Variants in CFAP221 observed in about 807,000 individuals in gnomAD.
CFAP221 encodes the protein cilia and flagella associated protein 221.
Under a neutral mutation model 113.1 loss-of-function variants are expected in CFAP221, and 97 were observed. The ratio of observed to expected loss-of-function variants is 0.86; its 90% CI spans 0.73 to 1.02. The LOEUF is 1.02. CFAP221 is among the 50% of genes least tolerant of loss of function. CFAP221 has a pLI of 0.00. For missense variants in CFAP221, 1,025 were observed against 1,013.4 expected, an observed-to-expected ratio of 1.01 and a Z score of -0.16; for synonymous variants, 331 against 354.4, an observed-to-expected ratio of 0.93 and a Z score of 0.74.
intron 5 of CFAP221, among the ~76,000 whole-genome samples, chr2:119,561,052 G>T (rs558476176): frequency 1.3e-5 from 2 of 152,238 alleles, no homozygotes; most frequent in African/African-American, 2.4e-5. Flanking sequence ...ACTTTGGGAG[G>T]CCGAGGTGGG....
intron 14 of CFAP221, among the ~76,000 whole-genome samples, chr2:119,620,050 G>C: frequency 6.6e-6 from 1 of 152,100 alleles, no homozygotes. Flanking sequence ...AAAAAAGAAT[G>C]AAAAGGAATG....
rs1016991608 is a variant in CFAP221, at chr2:119,602,592, T to C, written c.791+1215T>C. 1.2e-5 allele frequency: 12 copies of C among 982,476 alleles called. No individual in the cohort carries two copies. The African/African-American group carries it at 1.9e-4, about 16-fold the overall frequency. 60.9% of individuals were successfully genotyped at this position (982,476 alleles called of 1,614,324 possible). On this transcript the variant is annotated intron_variant, in intron 8 of 23. Transcript: ENST00000413369. ...CATGATATCTTAGATATTTATATCA[T>C]GATTTTTCTTCCTAAAAATTCAAAG...
chr2:119,638,332 G>A lies in CFAP221; in HGVS notation c.2048G>A (p.Cys683Tyr). 1 of 1,613,888 alleles carries A rather than the reference G, an allele frequency of 6.2e-7. No homozygotes were observed. Among genetic ancestry groups the A allele is most frequent in the Admixed American group, 1.7e-5 (1 of 60,020 alleles). ...YAETLIDYHL[C>Y]SHPKYKFTKE... ...GAAACGTTGATAGATTACCATCTAT[G>A]CTCTCACCCCAAGTACAAATTCACC... The change falls in exon 20 of 24, where the codon TGC becomes TAC. Residue 683 changes from cysteine to tyrosine, a missense_variant. Physicochemically the swap from Cys to Tyr is radical, Grantham distance 194 (BLOSUM62 -2). Coordinates refer to ENST00000413369, the MANE Select transcript of CFAP221 (RefSeq NM_001271049.2).
intron 6 of CFAP221, among the ~76,000 whole-genome samples, chr2:119,562,344 G>A (rs1484211527): frequency 6.6e-6 from 1 of 151,782 alleles, no homozygotes; most frequent in Non-Finnish European, 1.5e-5. Context: ...ACTGAAAGGT[G>A]CAGTCCGGGT....
intron 8 of CFAP221, 26 bp from the exon 9 acceptor site, chr2:119,604,646 A>G (rs1684599019): frequency 8.6e-6 from 13 of 1,514,308 alleles, no homozygotes; most frequent in Non-Finnish European, 9.7e-6. Flanking sequence ...CTTATTTACT[A>G]ATTTAACACT....
chr2:119,640,667 C>A (rs1021809634), intron 21 of CFAP221, among the ~76,000 whole-genome samples: 10 of 152,160 alleles, frequency 6.6e-5, no homozygotes, highest in African/African-American at 1.9e-4. Flanking sequence ...TCCTCTGATC[C>A]AGAATGAGGC....
At chr2:119,636,000 C>A (rs1320179951) in intron 19 of CFAP221, among the ~76,000 whole-genome samples, 4 of 152,106 alleles carry the variant, frequency 2.6e-5, no homozygotes, top group African/African-American at 9.7e-5. Context: ...AAATAGGAAA[C>A]CAAACTAAAA....
At chr2:119,612,372 G>A (rs11123530) in intron 13 of CFAP221, among the ~76,000 whole-genome samples, 145,348 of 152,356 alleles carry the variant, frequency 0.95, 69,369 homozygotes, top group East Asian at 0.99. Flanking sequence ...TACAATCATG[G>A]CAGAAGAAGA....
intron 21 of CFAP221, among the ~76,000 whole-genome samples, chr2:119,645,088 T>G (rs1687720924): frequency 1.3e-5 from 2 of 150,460 alleles, no homozygotes. Flanking sequence ...TTCTCTTTCT[T>G]TTCTCATTCC....
chr2:119,634,093 G>A (rs971370993), intron 19 of CFAP221, among the ~76,000 whole-genome samples: 2 of 152,134 alleles, frequency 1.3e-5, no homozygotes, highest in African/African-American at 4.8e-5. Context: ...GGGCAACAGA[G>A]TGAGACCCTG....
Position 119,559,739 on chromosome 2 carries a change from G to T in CFAP221, c.291G>T (p.Pro97=). 6.5e-7 allele frequency: 1 copy of T among 1,531,888 alleles called. No individual in the cohort carries two copies. Among genetic ancestry groups the T allele is most frequent in the South Asian group, 1.2e-5 (1 of 83,944 alleles). The allele number at this position is 1,531,888 out of a possible 1,614,324, so 94.9% of individuals were successfully genotyped here. ...ACACACGTGTTCATATTTTACCCCC[G>T]CAAACCAAATACTTTGAGATCAATT... The part of the protein sequence containing the change: ...NEDTRVHILP[P]QTKYFEINYV... Residue 97 remains proline (P), a synonymous_variant, in exon 4 of 24, where the codon CCG becomes CCT. Coordinates refer to ENST00000413369, the MANE Select transcript of CFAP221 (RefSeq NM_001271049.2).
intron 21 of CFAP221, among the ~76,000 whole-genome samples, chr2:119,645,408 TGGTAAGCAGA>T (rs1421059174): frequency 1.3e-5 from 2 of 151,628 alleles, no homozygotes; most frequent in African/African-American, 4.9e-5. Flanking sequence ...CTCTTTATAA[TGGTAAGCAGA>T]ATATATACAT....
intron 19 of CFAP221, 124 bp from the exon 20 acceptor site, chr2:119,638,135 C>A: frequency 1.1e-6 from 1 of 933,158 alleles, no homozygotes; most frequent in Non-Finnish European, 1.6e-6. Context: ...TCCAGACAAG[C>A]TGACATGGAG....
intron 19 of CFAP221, among the ~76,000 whole-genome samples, chr2:119,633,691 AAAG>A (rs1253283310): frequency 6.7e-6 from 1 of 148,642 alleles, no homozygotes; most frequent in Non-Finnish European, 1.5e-5. Context: ...ACATTTCTCC[AAAG>A]AAGACTTATA....
At chr2:119,590,075 T>C (rs1683493417) in intron 7 of CFAP221, 1 of 152,214 alleles carries the variant, frequency 6.6e-6, no homozygotes, top group African/African-American at 2.4e-5. Flanking sequence ...GACATTCCCT[T>C]GTTGTCACAA....
At chr2:119,645,307 TA>T (rs1445473438) in intron 21 of CFAP221, among the ~76,000 whole-genome samples, 3 of 152,110 alleles carry the variant, frequency 2.0e-5, no homozygotes, top group South Asian at 4.2e-4. Flanking sequence ...AAAACTACAT[TA>T]AAGGCATATT....
At chr2:119,581,562 A>G (rs1301367288) in intron 6 of CFAP221, among the ~76,000 whole-genome samples, 2 of 152,200 alleles carry the variant, frequency 1.3e-5, no homozygotes, top group Non-Finnish European at 2.9e-5. Context: ...CATGAAGGGA[A>G]ATTAGGGGGT....
chr2:119,644,944 A>G (rs897372833), intron 21 of CFAP221, among the ~76,000 whole-genome samples: 3 of 152,132 alleles, frequency 2.0e-5, no homozygotes. Flanking sequence ...TGCTTGATCC[A>G]TAACCACCTT....
chr2:119,622,016 C>A (rs1685956006), intron 14 of CFAP221, among the ~76,000 whole-genome samples: 1 of 152,026 alleles, frequency 6.6e-6, no homozygotes, highest in South Asian at 2.1e-4. Flanking sequence ...TAACTAAGAT[C>A]AGAGCAGAAC....
Sources: allele counts gnomAD v4.1 joint callset (sites outside exome capture counted in the v4.1 genomes callset), GRCh38; gene constraint gnomAD v4.1.1; transcripts MANE v1.5; gene names NCBI Gene and HGNC (gene_info 2026-07-23, HGNC 2026-07-21).